Variants in ACAD11 observed in about 807,000 individuals in gnomAD.
ACAD11 encodes acyl-Coenzyme A dehydrogenase family, member 11.
Under a neutral mutation model 102.2 loss-of-function variants are expected in ACAD11, and 83 were observed. The ratio of observed to expected loss-of-function variants is 0.81; its 90% CI spans 0.68 to 0.97. ACAD11 has a LOEUF of 0.97. Among genes scored for constraint, ACAD11 ranks in the 50% least tolerant of loss-of-function variants. The pLI, the probability that ACAD11 is intolerant of heterozygous loss-of-function variation, is 0.00. For synonymous variants in ACAD11, 324 were observed against 319.8 expected (o/e 1.01, Z -0.14); for missense variants, 901 against 951.7 (o/e 0.95, Z 0.70).
chr3:132,605,062 T>G (rs1938781436), intron 12 of ACAD11, 36 bp downstream of exon 12: 1 of 1,500,856 alleles, frequency 6.7e-7, no homozygotes, highest in Non-Finnish European at 9.2e-7. Context: ...CCGGGACGAC[T>G]GACTACACAA....
intron 5 of ACAD11, among the ~76,000 whole-genome samples, chr3:132,639,167 A>G (rs1056985679): frequency 1.3e-5 from 2 of 152,248 alleles, no homozygotes; most frequent in African/African-American, 4.8e-5. Flanking sequence ...AAAAACAGCA[A>G]GAACATGGAT....
chr3:132,631,648 T>C (rs1016744123), intron 5 of ACAD11, among the ~76,000 whole-genome samples, 169 bp from the exon 6 acceptor site: 2 of 152,220 alleles, frequency 1.3e-5, no homozygotes, highest in Admixed American at 6.5e-5. Context: ...TTAGCCTTGA[T>C]TATATAGAGC....
chr3:132,583,975 C>T (rs1029345869), intron 13 of ACAD11, among the ~76,000 whole-genome samples: 1 of 152,094 alleles, frequency 6.6e-6, no homozygotes, highest in African/African-American at 2.4e-5. Flanking sequence ...TGCTTTACTT[C>T]CAACTATGTG....
chr3:132,561,964 G>C lies in ACAD11; in HGVS notation c.2002-747C>G, dbSNP rs576283798. ...ACCAACTTCTTTCATTCAGTTTAATGCCTTTGAGTTTCATCCAAATTGTTC... is the reference window on the plus strand; with the variant it reads ...ACCAACTTCTTTCATTCAGTTTAATCCCTTTGAGTTTCATCCAAATTGTTC... On this transcript the variant is annotated intron_variant, in intron 17 of 19. Transcript: ENST00000264990. 2.5e-4 allele frequency among the ~76,000 whole-genome samples: 38 copies of C among 152,252 alleles called. No individual in the cohort carries two copies. In the South Asian group the frequency reaches 7.1e-3, roughly 28 times the overall value.
At chr3:132,584,505 C>CTT (rs900552744) in intron 13 of ACAD11, among the ~76,000 whole-genome samples, 1 of 152,126 alleles carries the variant, frequency 6.6e-6, no homozygotes, top group Non-Finnish European at 1.5e-5. Flanking sequence ...GGTCTTGACT[C>CTT]TTTTTCCAAT....
At chr3:132,570,394 C>T (rs988248728) in intron 17 of ACAD11, among the ~76,000 whole-genome samples, 2 of 152,114 alleles carry the variant, frequency 1.3e-5, no homozygotes, top group Non-Finnish European at 2.9e-5. Flanking sequence ...ATGAGTTAAA[C>T]CAGCAGACAA....
intron 1 of ACAD11, among the ~76,000 whole-genome samples, chr3:132,647,975 C>A (rs1166638432): frequency 2.0e-5 from 3 of 152,160 alleles, no homozygotes; most frequent in African/African-American, 7.2e-5. Flanking sequence ...TAATCCCATT[C>A]TTGAGGTCAC....
chr3:132,606,698 C>T (rs1213478633), intron 11 of ACAD11, among the ~76,000 whole-genome samples: 2 of 152,168 alleles, frequency 1.3e-5, no homozygotes, highest in Admixed American at 6.5e-5. Context: ...TGGCTGTGGG[C>T]GCGGCTTCAG....
At chr3:132,628,677 A>G (rs1939919122) in intron 7 of ACAD11, among the ~76,000 whole-genome samples, 1 of 152,214 alleles carries the variant, frequency 6.6e-6, no homozygotes, top group African/African-American at 2.4e-5. Context: ...CTAATTTATA[A>G]TCAAATCAAA....
intron 5 of ACAD11, among the ~76,000 whole-genome samples, chr3:132,632,841 T>C (rs1336222268): frequency 6.6e-6 from 1 of 152,228 alleles, no homozygotes; most frequent in Non-Finnish European, 1.5e-5. Context: ...TTTGAAGCAA[T>C]TGTGAATGGG....
rs148795639 is a variant in ACAD11, at chr3:132,603,272, A to G, written c.1578T>C (p.Asp526=). 1.3e-4 allele frequency: 204 copies of G among 1,614,086 alleles called. No homozygotes were observed. In the African/African-American group the frequency reaches 1.5e-3, roughly 12 times the overall value. Residue 526 remains aspartate (D), a synonymous_variant, in exon 13 of 20, where the codon GAT becomes GAC. Coordinates refer to ENST00000264990, the MANE Select transcript of ACAD11 (RefSeq NM_032169.5). ...TGCCGTTAATTACATAGCTATCTTCATCTCGTTGGATGCTGCATTCAATAT... is the reference window on the plus strand; with the variant it reads ...TGCCGTTAATTACATAGCTATCTTCGTCTCGTTGGATGCTGCATTCAATAT... The part of the protein sequence containing the change: ...ATNIECSIQR[D]EDSYVINGKK...
chr3:132,657,805 A>G (rs189988782), intron 1 of ACAD11, among the ~76,000 whole-genome samples: 60 of 151,818 alleles, frequency 4.0e-4, no homozygotes, highest in Admixed American at 2.4e-3. Flanking sequence ...CACTTAATTT[A>G]TAAACATGTA....
chr3:132,562,789 A>G (rs191338030), intron 17 of ACAD11, among the ~76,000 whole-genome samples: 12 of 152,156 alleles, frequency 7.9e-5, no homozygotes, highest in Admixed American at 3.9e-4. Flanking sequence ...TTACTATTTG[A>G]TTTAGAGAGT....
intron 13 of ACAD11, among the ~76,000 whole-genome samples, chr3:132,585,761 C>T (rs1937789832): frequency 6.6e-6 from 1 of 152,232 alleles, no homozygotes; most frequent in South Asian, 2.1e-4. Flanking sequence ...CACTGGCTAT[C>T]AGAGAAATGC....
intron 11 of ACAD11, 130 bp from the exon 12 acceptor site, chr3:132,605,335 A>G (rs1576582884): frequency 1.9e-6 from 1 of 527,854 alleles, no homozygotes; most frequent in South Asian, 3.1e-5. Context: ...ATTTTGAAAT[A>G]TATAGTAAAT....
At chr3:132,639,365 G>A (rs572942975) in intron 5 of ACAD11, 127 bp downstream of exon 5, 116 of 860,546 alleles carry the variant, frequency 1.3e-4, no homozygotes, top group African/African-American at 3.9e-4. Context: ...GAGTGGTGAC[G>A]ACAGTCCTGA....
chr3:132,559,100 G>T lies in ACAD11; in HGVS notation c.2229-15C>A, dbSNP rs1290106590. 2.6e-6 allele frequency: 4 copies of T among 1,568,622 alleles called. No homozygotes were observed. Among genetic ancestry groups the T allele is most frequent in the Middle Eastern group, 1.7e-4 (1 of 6,018 alleles). On this transcript the variant is annotated splice_polypyrimidine_tract_variant and intron_variant, in intron 19 of 19. Coordinates refer to ENST00000264990, the MANE Select transcript of ACAD11 (RefSeq NM_032169.5). ...TTATAGCATACCTGAAAAAGCAAAA[G>T]AATCAGGGAACACAGGGAGTTATGG... is the stretch of plus-strand genomic sequence containing the variant.
chr3:132,631,638 T>C (rs1007605548), intron 5 of ACAD11, among the ~76,000 whole-genome samples, 159 bp from the exon 6 acceptor site: 1 of 152,234 alleles, frequency 6.6e-6, no homozygotes, highest in Non-Finnish European at 1.5e-5. Context: ...AAATAGCCAA[T>C]TAGCCTTGAT....
At chr3:132,624,914 G>T (rs1939754372) in intron 9 of ACAD11, among the ~76,000 whole-genome samples, 1 of 151,826 alleles carries the variant, frequency 6.6e-6, no homozygotes, top group South Asian at 2.1e-4. Flanking sequence ...CAAACTCCTG[G>T]GCTCAAGCCA....
Sources: gnomAD v4.1 joint callset for allele counts (sites outside exome capture counted in the v4.1 genomes callset) on GRCh38, gnomAD v4.1.1 for gene constraint, MANE v1.5 for transcripts, NCBI Gene and HGNC (gene_info 2026-07-23, HGNC 2026-07-21) for gene names.